Variants in ARID4A observed in about 807,000 individuals in gnomAD.
ARID4A encodes the protein AT-rich interaction domain 4A, also known as AT-rich interactive domain-containing protein 4A.
ARID4A carries 39 observed loss-of-function variants against 148.6 expected under a neutral mutation model. The observed-to-expected ratio is 0.26, with a 90% CI of 0.20 to 0.34. The LOEUF (loss-of-function observed/expected upper bound fraction) is 0.34. Ranked by LOEUF, ARID4A falls within the 10% of genes least tolerant of loss-of-function variation. The pLI is 1.00. For missense variants in ARID4A, 1,265 were observed against 1,449.1 expected (o/e 0.87, Z 2.06); for synonymous variants, 475 against 481.2 (o/e 0.99, Z 0.17).
At chr14:58,331,156 T>A (rs1475783381) in intron 11 of ARID4A, 1 of 152,244 alleles carries the variant, frequency 6.6e-6, no homozygotes, top group Non-Finnish European at 1.5e-5. Flanking sequence ...TTGGTTTTTT[T>A]ACACTCTGAA....
intron 11 of ARID4A, among the ~76,000 whole-genome samples, chr14:58,337,949 A>T (rs1186255530): frequency 1.3e-5 from 2 of 151,968 alleles, no homozygotes; most frequent in Non-Finnish European, 2.9e-5. Flanking sequence ...ACCCATGCCC[A>T]CCTCTTTATT....
chr14:58,306,029 C>G lies in ARID4A; in HGVS notation c.191C>G (p.Ala64Gly). ...DQVKGPLRVG[A>G]IVETRTSDGS... ...TGGGATTTCACATTTTAGGTTGGAG[C>G]TATTGTTGAAACAAGGACATCTGAT... is the stretch of plus-strand genomic sequence containing the variant. The change falls in exon 5 of 24, where the codon GCT (alanine) becomes GGT (glycine). Residue 64 changes from alanine (A) to glycine (G), a missense_variant. Coordinates refer to ENST00000355431, the MANE Select transcript of ARID4A (RefSeq NM_002892.4). The G allele has an allele frequency of 6.2e-7, 1 of 1,612,998 alleles. No homozygotes were observed. Among genetic ancestry groups the G allele is most frequent in the Non-Finnish European group, 8.5e-7 (1 of 1,179,262 alleles).
intron 5 of ARID4A, among the ~76,000 whole-genome samples, chr14:58,314,254 T>C (rs909102614): frequency 1.3e-5 from 2 of 152,244 alleles, no homozygotes; most frequent in South Asian, 2.1e-4. Flanking sequence ...ACAACATTAA[T>C]TATTTCACTC....
At chr14:58,356,699 A>ATTTTT (rs1174156900) in intron 17 of ARID4A, among the ~76,000 whole-genome samples, 1 of 128,068 alleles carries the variant, frequency 7.8e-6, no homozygotes, top group Admixed American at 7.8e-5. Flanking sequence ...TTGAATTTTG[A>ATTTTT]TTTTTTTTTT....
intron 8 of ARID4A, 126 bp downstream of exon 8, chr14:58,323,743 AT>A: frequency 1.3e-6 from 1 of 777,986 alleles, no homozygotes; most frequent in Non-Finnish European, 2.1e-6. Context: ...AGATTTTTTA[AT>A]TGAATAATCA....
intron 11 of ARID4A, among the ~76,000 whole-genome samples, chr14:58,342,726 A>C (rs1260400788): frequency 6.6e-6 from 1 of 152,192 alleles, no homozygotes; most frequent in Non-Finnish European, 1.5e-5. Flanking sequence ...CAGCCTAGCC[A>C]ATGTGGCGAA....
chr14:58,349,299 A>C (rs1034246244), intron 15 of ARID4A, among the ~76,000 whole-genome samples: 1 of 152,202 alleles, frequency 6.6e-6, no homozygotes, highest in Admixed American at 6.5e-5. Context: ...GCTGTCTAGT[A>C]TGGATGAACC....
At chr14:58,340,549 C>T (rs763526569) in intron 11 of ARID4A, among the ~76,000 whole-genome samples, 1 of 152,152 alleles carries the variant, frequency 6.6e-6, no homozygotes, top group African/African-American at 2.4e-5. Flanking sequence ...GGGGTTTTAC[C>T]GTGTTGCCCA....
At chr14:58,357,982 C>G (rs1017335004) in intron 17 of ARID4A, among the ~76,000 whole-genome samples, 7 of 152,086 alleles carry the variant, frequency 4.6e-5, no homozygotes, top group Admixed American at 6.5e-5. Context: ...GTGGGCAGAT[C>G]ACTTGAGCTC....
chr14:58,321,835 T>C (rs2032908222), intron 7 of ARID4A, among the ~76,000 whole-genome samples: 1 of 152,198 alleles, frequency 6.6e-6, no homozygotes, highest in Non-Finnish European at 1.5e-5. Flanking sequence ...CATTAAATCT[T>C]CACAAAAACC....
chr14:58,365,277 A>G lies in ARID4A; in HGVS notation c.3188A>G (p.Gln1063Arg), dbSNP rs377087834. Residue 1063 changes from glutamine to arginine, a missense_variant, in exon 20 of 24, where the codon CAA becomes CGA. Physicochemically the swap from Gln to Arg is conservative, Grantham distance 43. This residue lies in a region of ARID4A where 666 missense variants were observed against 730.9 expected (regional missense o/e 0.91). Coordinates refer to ENST00000355431, the MANE Select transcript of ARID4A (RefSeq NM_002892.4). ...TCTGGTACCTGTAGTATAATTGTAC[A>G]AGAGAGAGAGAGCAGAGAGAAGGGT... Reference protein sequence around the residue: ...VASGTCSIIVQERESREKGQK... With the variant: ...VASGTCSIIVRERESREKGQK... 8.1e-5 allele frequency: 130 copies of G among 1,612,664 alleles called. No individual in the cohort carries two copies. Among genetic ancestry groups the G allele is most frequent in the East Asian group, 1.1e-4 (5 of 44,870 alleles).
chr14:58,347,145 A>T (rs770652792), intron 14 of ARID4A, 28 bp downstream of exon 14: 2 of 1,190,712 alleles, frequency 1.7e-6, no homozygotes, highest in Non-Finnish European at 2.4e-6. Flanking sequence ...TTCATCAAAG[A>T]ATATATATTT....
chr14:58,364,593 A>G lies in ARID4A; in HGVS notation c.2504A>G (p.Asn835Ser). ...AHSLELSSLD[N>S]KNFSSATEDE... is the part of the protein sequence containing the mutation. The stretch of plus-strand genomic sequence containing the variant: ...AGTCTTGAATTGTCTTCATTAGACA[A>G]TAAAAACTTTTCTTCTGCTACAGAA... The change falls in exon 20 of 24, where the codon AAT becomes AGT. Residue 835 changes from asparagine to serine, a missense_variant. Transcript: ENST00000355431. 5.0e-6 allele frequency: 8 copies of G among 1,613,238 alleles called. No individual in the cohort carries two copies. The highest frequency in any genetic ancestry group is 5.9e-6 in the Non-Finnish European group (7 of 1,179,826).
intron 5 of ARID4A, among the ~76,000 whole-genome samples, chr14:58,311,767 G>A (rs973714556): frequency 2.0e-5 from 3 of 152,068 alleles, no homozygotes; most frequent in African/African-American, 4.8e-5. Context: ...TAAAAAGAAG[G>A]AAATCCTGAC....
intron 8 of ARID4A, among the ~76,000 whole-genome samples, chr14:58,326,704 G>T (rs764312099): frequency 1.3e-5 from 2 of 152,136 alleles, no homozygotes; most frequent in East Asian, 3.8e-4. Flanking sequence ...GAGGTGGCAG[G>T]AATCTATTTG....
chr14:58,306,246 A>G, intron 5 of ARID4A, 134 bp downstream of exon 5: 4 of 606,198 alleles, frequency 6.6e-6, no homozygotes, highest in Non-Finnish European at 1.1e-5. Flanking sequence ...ATAGCTGACT[A>G]AAATTCTAAG....
At chr14:58,317,020 A>G (rs1319508289) in intron 5 of ARID4A, among the ~76,000 whole-genome samples, 1 of 150,930 alleles carries the variant, frequency 6.6e-6, no homozygotes, top group Non-Finnish European at 1.5e-5. Context: ...GTGAAACCCC[A>G]TCTCTACTAA....
chr14:58,335,149 C>T (rs535359206), intron 11 of ARID4A, among the ~76,000 whole-genome samples: 54 of 152,224 alleles, frequency 3.5e-4, no homozygotes, highest in Non-Finnish European at 6.8e-4. Context: ...TATTCAGTAC[C>T]TCTGACATAC....
rs1235221067 is a variant in ARID4A at position 58,318,646 on chromosome 14, TG to T, written c.354+27del. ...GGTAGGGTGACACGGATGGACGATTTGGATTGAACTACAGGTACTGATCTAG... is the reference window on the plus strand; with the variant it reads ...GGTAGGGTGACACGGATGGACGATTTGATTGAACTACAGGTACTGATCTAG... On this transcript the variant is annotated intron_variant, in intron 6 of 23. Transcript: ENST00000355431. The T allele has an allele frequency of 1.9e-6, 3 of 1,613,644 alleles. No individual in the cohort carries two copies. In the African/African-American group the frequency reaches 4.0e-5, roughly 22 times the overall value.
Sources: gnomAD v4.1 joint callset for allele counts (sites outside exome capture counted in the v4.1 genomes callset) on GRCh38, gnomAD v4.1.1 for gene constraint, gnomAD v4.1.1 regional missense constraint, MANE v1.5 for transcripts, NCBI Gene and HGNC (gene_info 2026-07-23, HGNC 2026-07-21) for gene names.